The following ZNF638 variants were observed in gnomAD, a reference collection of about 807,000 sequenced individuals.
ZNF638 encodes the protein zinc finger protein 638.
In ZNF638, 46 loss-of-function variants were observed where a neutral mutation model predicts 195.6. The ratio of observed to expected loss-of-function variants is 0.24; its 90% CI spans 0.19 to 0.30. The LOEUF is 0.30. Ranked by LOEUF, ZNF638 falls within the 10% of genes least tolerant of loss-of-function variation. The pLI, the probability that ZNF638 is intolerant of heterozygous loss-of-function variation, is 1.00. For synonymous variants in ZNF638, 845 were observed against 772.0 expected, an observed-to-expected ratio of 1.09 and a Z score of -1.57; for missense variants, 2,440 against 2,325.3, an observed-to-expected ratio of 1.05 and a Z score of -1.01.
At chr2:71,398,820 G>A in intron 12 of ZNF638, 48 bp downstream of exon 12, 2 of 1,465,318 alleles carry the variant, frequency 1.4e-6, no homozygotes, top group South Asian at 2.5e-5. Flanking sequence ...CTTTATTTAT[G>A]TTTTAAATTC....
At chr2:71,355,056 C>A (rs1413710979) in intron 2 of ZNF638, among the ~76,000 whole-genome samples, 1 of 152,114 alleles carries the variant, frequency 6.6e-6, no homozygotes, top group African/African-American at 2.4e-5. Flanking sequence ...GCAAGCTCCG[C>A]CTCCCGGGTT....
In ZNF638 at chr2:71,365,526, AC is replaced by A. The variant is rs2079181851; in HGVS notation, c.1817del (p.Pro606GlnfsTer27). The A allele has an allele frequency of 6.2e-7, 1 of 1,614,056 alleles. No homozygotes were observed. Among genetic ancestry groups the A allele is most frequent in the Admixed American group, 1.7e-5 (1 of 60,006 alleles). On this transcript the variant is annotated frameshift_variant, in exon 6 of 28. Coordinates refer to ENST00000264447, the MANE Select transcript of ZNF638 (RefSeq NM_014497.5). LOFTEE classifies it high-confidence loss of function. ...TTGAAGCTGCTGATAAGGGACATTCACCAGCACAAAAGCCTAAAACTAGCAG... is the reference window on the plus strand; with the variant it reads ...TTGAAGCTGCTGATAAGGGACATTCACAGCACAAAAGCCTAAAACTAGCAG... ...HLEAADKGHS[P>X]AQKPKTSSGT... is the part of the protein sequence containing the mutation.
intron 10 of ZNF638, among the ~76,000 whole-genome samples, chr2:71,394,470 A>C (rs1310819499): frequency 1.3e-5 from 2 of 152,156 alleles, no homozygotes; most frequent in East Asian, 3.8e-4. Context: ...CAGTATTTCC[A>C]TTACACCTCA....
At chr2:71,357,767 T>TAAA (rs2079048039) in intron 3 of ZNF638, among the ~76,000 whole-genome samples, 1 of 152,170 alleles carries the variant, frequency 6.6e-6, no homozygotes, top group South Asian at 2.1e-4. Flanking sequence ...ATATCCAGTG[T>TAAA]ATTTTGGTTC....
intron 20 of ZNF638, among the ~76,000 whole-genome samples, chr2:71,410,369 ATT>A (rs142981822): frequency 7.9e-5 from 11 of 138,746 alleles, no homozygotes; most frequent in African/African-American, 1.9e-4. Context: ...TTGATTTTTG[ATT>A]TTTTTTTTGT....
At chr2:71,417,590 C>T (rs1363380987) in intron 20 of ZNF638, among the ~76,000 whole-genome samples, 2 of 151,370 alleles carry the variant, frequency 1.3e-5, no homozygotes, top group African/African-American at 4.9e-5. Flanking sequence ...TTCCGTTATT[C>T]CTTTATGAAT....
chr2:71,346,554 A>G (rs2078853364), intron 1 of ZNF638, among the ~76,000 whole-genome samples: 2 of 152,188 alleles, frequency 1.3e-5, no homozygotes, highest in Non-Finnish European at 2.9e-5. Context: ...ATGTGACCAG[A>G]TAGTTTAACA....
chr2:71,363,217 T>C, intron 4 of ZNF638, 26 bp downstream of exon 4: 1 of 1,493,956 alleles, frequency 6.7e-7, no homozygotes, highest in Non-Finnish European at 9.2e-7. Flanking sequence ...AGTAATATTA[T>C]TAAAACCTGA....
At chr2:71,377,196 C>T (rs919658221) in intron 8 of ZNF638, among the ~76,000 whole-genome samples, 2 of 151,920 alleles carry the variant, frequency 1.3e-5, no homozygotes, top group Non-Finnish European at 2.9e-5. Context: ...GCCTGGGAGG[C>T]GGAGGTTGGC....
chr2:71,345,755 C>A (rs1378198810), intron 1 of ZNF638, among the ~76,000 whole-genome samples: 1 of 152,176 alleles, frequency 6.6e-6, no homozygotes, highest in East Asian at 1.9e-4. Flanking sequence ...GTCGGCCTGC[C>A]TTGGCCTCCC....
At chr2:71,428,803 T>C in intron 25 of ZNF638, 152 bp downstream of exon 25, 1 of 571,778 alleles carries the variant, frequency 1.7e-6, no homozygotes, top group Non-Finnish European at 3.1e-6. Flanking sequence ...TGGGTAACAT[T>C]TTGATCTTTG....
At chr2:71,404,666 G>A (rs1006086092) in intron 17 of ZNF638, among the ~76,000 whole-genome samples, 2 of 152,186 alleles carry the variant, frequency 1.3e-5, no homozygotes, top group African/African-American at 2.4e-5. Context: ...GCACTGAGCT[G>A]TGATTTTACC....
chr2:71,369,745 TAAA>T lies in ZNF638; in HGVS notation c.2143-135_2143-133del, dbSNP rs1183025595. 4 of 776,552 alleles carry T rather than the reference TAAA, an allele frequency of 5.2e-6. No individual in the cohort carries two copies. In the African/African-American group the frequency reaches 7.3e-5, roughly 14 times the overall value. 48.1% of individuals were successfully genotyped at this position (776,552 alleles called of 1,614,324 possible). A position where few individuals can be genotyped will look rare whatever the true frequency, so the allele number is the denominator to read the frequency against. On this transcript the variant is annotated intron_variant, in intron 7 of 27. Transcript: ENST00000264447. ...TTAATCAAATTATACTTGACCAAAATAAAAACAGGCAAAAGCAACCATGACTTG... is the reference window on the plus strand; with the variant it reads ...TTAATCAAATTATACTTGACCAAAATAACAGGCAAAAGCAACCATGACTTG...
At position 71,339,101 on chromosome 2, in the gene ZNF638, T is replaced by G. The variant is rs182035104; in HGVS notation, c.-203+7226T>G. ...TGGCATACTGTATGCTCATCTGCAC[T>G]TGTAAAGACTTCAAGGCTTAAGGCT... is the stretch of plus-strand genomic sequence containing the variant. On this transcript the variant is annotated intron_variant, in intron 1 of 27. Coordinates refer to ENST00000264447, the MANE Select transcript of ZNF638 (RefSeq NM_014497.5). 5.1e-3 allele frequency among the ~76,000 whole-genome samples: 769 copies of G among 152,210 alleles called. 4 individuals are homozygous for G. Among genetic ancestry groups the G allele is most frequent in the African/African-American group, 0.018 (738 of 41,550 alleles).
At chr2:71,384,219 C>T (rs184940669) in intron 10 of ZNF638, among the ~76,000 whole-genome samples, 1 of 152,204 alleles carries the variant, frequency 6.6e-6, no homozygotes, top group East Asian at 1.9e-4. Context: ...TCAGACCTGT[C>T]GTCTCACATT....
chr2:71,361,966 A>G (rs2079117133), intron 3 of ZNF638, among the ~76,000 whole-genome samples: 1 of 152,158 alleles, frequency 6.6e-6, no homozygotes, highest in African/African-American at 2.4e-5. Flanking sequence ...CTGCTAGGTG[A>G]TTTGTCAGAA....
At chr2:71,362,595 A>C (rs2079128217) in intron 3 of ZNF638, among the ~76,000 whole-genome samples, 1 of 152,204 alleles carries the variant, frequency 6.6e-6, no homozygotes, top group South Asian at 2.1e-4. Flanking sequence ...GGAACAAAAC[A>C]CCGATGTTTT....
In ZNF638 at chr2:71,402,146, TTAAATTTACAAAAC is replaced by T. The variant is rs2080019159; in HGVS notation, c.2829+64_2829+77del. ...GCAAGCATGCATGCTTTGAAAAACA[TTAAATTTACAAAAC>T]TAAAAAGAAAAGGTTTAAAAGCAGT... On this transcript the variant is annotated intron_variant, in intron 16 of 27. Coordinates refer to ENST00000264447, the MANE Select transcript of ZNF638 (RefSeq NM_014497.5). 2.7e-6 allele frequency: 4 copies of T among 1,502,084 alleles called. No homozygotes were observed. The Admixed American group carries it at 9.3e-5, about 35-fold the overall frequency. 93.0% of individuals were successfully genotyped at this position (1,502,084 alleles called of 1,614,324 possible). A position where few individuals can be genotyped will look rare whatever the true frequency, so the allele number is the denominator to read the frequency against.
At chr2:71,388,616 C>T (rs759230022) in intron 10 of ZNF638, 29 of 802,342 alleles carry the variant, frequency 3.6e-5, no homozygotes, top group African/African-American at 6.7e-5. Context: ...ATCCGTCGCT[C>T]GGCCAGAGTC....
Sources: allele counts gnomAD v4.1 joint callset (sites outside exome capture counted in the v4.1 genomes callset), GRCh38; gene constraint gnomAD v4.1.1; transcripts MANE v1.5; gene names NCBI Gene and HGNC (gene_info 2026-07-23, HGNC 2026-07-21).